The following PEX1 variants were observed in gnomAD, a reference collection of about 807,000 sequenced individuals.
PEX1 encodes the protein peroxisomal biogenesis factor 1.
PEX1 carries 97 observed loss-of-function variants against 152.5 expected under a neutral mutation model. The observed-to-expected ratio is 0.64, with a 90% CI of 0.54 to 0.75. The LOEUF is 0.75. PEX1 is among the 30% of genes least tolerant of loss of function. PEX1 has a pLI of 0.00. For synonymous variants in PEX1, 485 were observed against 531.6 expected (o/e 0.91, Z 1.21); for missense variants, 1,357 against 1,516.3 (o/e 0.89, Z 1.74).
intron 7 of PEX1, 124 bp downstream of exon 7, chr7:92,511,456 T>G: frequency 1.2e-6 from 1 of 826,742 alleles, no homozygotes; most frequent in Non-Finnish European, 1.9e-6. Context: ...AAAACTACTG[T>G]TTAATTATCA....
Position 92,517,840 on chromosome 7 carries a change from G to A in PEX1, c.675C>T (p.Ile225=). Residue 225 remains isoleucine, a synonymous_variant, in exon 5 of 24, where the codon ATC becomes ATT. Coordinates refer to ENST00000248633, the MANE Select transcript of PEX1 (RefSeq NM_000466.3). ...CTGACTCGTTTTCATTAGATTCAGT[G>A]ATTCCCACAGTATTTGACTGAAGTT... ...TKQLQSNTVG[I]TESNENESEI... The A allele has an allele frequency of 6.5e-7, 1 of 1,544,098 alleles. No homozygotes were observed. The highest frequency in any genetic ancestry group is 2.3e-5 in the East Asian group (1 of 44,444).
At chr7:92,516,608 G>C (rs577420524) in intron 5 of PEX1, among the ~76,000 whole-genome samples, 88 of 152,028 alleles carry the variant, frequency 5.8e-4, no homozygotes, top group African/African-American at 2.0e-3. Context: ...TCACTATGAA[G>C]TCTTACTTTA....
At position 92,528,413 on chromosome 7, in the gene PEX1, G is replaced by A. The variant is rs537242377; in HGVS notation, c.23C>T (p.Ala8Val). The stretch of plus-strand genomic sequence containing the variant: ...TGCCGCCCCGCCTCCCCCAGCACCC[G>A]CCAGGCGATCGCTGCCCCACATCGT... MWGSDRL[A>V]GAGGGGAAVT... The change falls in exon 1 of 24, where the codon GCG becomes GTG. Residue 8 changes from alanine (A) to valine (V), a missense_variant. Ala to Val is a moderately conservative substitution (Grantham distance 64). Coordinates refer to ENST00000248633, the MANE Select transcript of PEX1 (RefSeq NM_000466.3). The A allele has an allele frequency of 5.6e-6, 9 of 1,595,626 alleles. 1 individual carries two copies. In the South Asian group the frequency reaches 6.8e-5, roughly 12 times the overall value.
chr7:92,516,359 G>A (rs1174637480), intron 5 of PEX1, among the ~76,000 whole-genome samples: 2 of 152,016 alleles, frequency 1.3e-5, no homozygotes, highest in South Asian at 2.1e-4. Context: ...CGTGGGAGGC[G>A]GAGGTTGCAG....
intron 1 of PEX1, among the ~76,000 whole-genome samples, chr7:92,524,235 G>A (rs972603930): frequency 3.3e-5 from 5 of 150,664 alleles, no homozygotes; most frequent in Non-Finnish European, 7.4e-5. Context: ...TTACAGGCAT[G>A]AGCCAACATG....
At position 92,519,012 on chromosome 7, in the gene PEX1, C is replaced by T; in HGVS notation, c.340G>A (p.Asp114Asn). 6.2e-7 allele frequency: 1 copy of T among 1,611,138 alleles called. No homozygotes were observed. Among genetic ancestry groups the T allele is most frequent in the Non-Finnish European group, 8.5e-7 (1 of 1,177,316 alleles). ...TTCTTTACCAGTATCTCCCAATCAT[C>T]TGCTGAGAGGGGTTCCACCTCAACT... ...QQVEVEPLSA[D>N]DWEILELHAV... The change falls in exon 3 of 24, where the codon GAT becomes AAT. Residue 114 changes from aspartate (D) to asparagine (N), a missense_variant. By Grantham distance (23) the Asp-to-Asn change is conservative (BLOSUM62 1). Transcript: ENST00000248633.
chr7:92,507,423 G>A (rs1284641116), intron 9 of PEX1: 3 of 320,082 alleles, frequency 9.4e-6, no homozygotes, highest in Non-Finnish European at 1.8e-5. Flanking sequence ...TTTTGTGTGT[G>A]CATTTGTTGT....
rs1478654378 is a variant in PEX1, at chr7:92,487,197, G to T, written c.*260C>A. ...AGAAATAAATTAGTTCCACCATTTG[G>T]CTAATATTATTTCATTAAAGACTGA... On this transcript the variant is annotated 3_prime_UTR_variant, in exon 24 of 24. Coordinates refer to ENST00000248633, the MANE Select transcript of PEX1 (RefSeq NM_000466.3). 8 of 241,734 alleles carry T rather than the reference G, an allele frequency of 3.3e-5. No homozygotes were observed. The highest frequency in any genetic ancestry group is 5.5e-5 in the Non-Finnish European group (7 of 127,416). The allele number at this position is 241,734 out of a possible 1,614,324, so 15.0% of individuals were successfully genotyped here.
rs749049962 is a variant in PEX1, at chr7:92,502,026, A to G, written c.2280T>C (p.Asp760=). ...GGTCAAGATCGGTGAACTTGTTTAT[A>G]TCACAGTCCAATTTATTTTTTATTA... The part of the protein sequence containing the change: ...CNVIKNKLDC[D]INKFTDLDLQ... Residue 760 remains aspartate, a synonymous_variant, in exon 14 of 24, where the codon GAT becomes GAC. Coordinates refer to ENST00000248633, the MANE Select transcript of PEX1 (RefSeq NM_000466.3). 4.3e-6 allele frequency: 7 copies of G among 1,612,942 alleles called. No individual in the cohort carries two copies. The highest frequency in any genetic ancestry group is 5.1e-6 in the Non-Finnish European group (6 of 1,179,038).
At chr7:92,487,586 TACAAA>T (rs757816709) in intron 23 of PEX1, 45 bp from the exon 24 acceptor site, 1 of 847,874 alleles carries the variant, frequency 1.2e-6, no homozygotes, top group East Asian at 2.5e-5. Flanking sequence ...ATACTACCAT[TACAAA>T]ACAAAAGATA....
rs1017111983 is a variant in PEX1, at chr7:92,494,740, ACTT to A, written c.2784-114_2784-112del. On this transcript the variant is annotated intron_variant, in intron 17 of 23. Coordinates refer to ENST00000248633, the MANE Select transcript of PEX1 (RefSeq NM_000466.3). ...TTTATGTATTTATATATATTTATAT[ACTT>A]CTTTTAATTTTTACAACAAACCCTT... 4.2e-5 allele frequency: 27 copies of A among 647,596 alleles called. No homozygotes were observed. In the Middle Eastern group the frequency reaches 3.2e-3, roughly 76 times the overall value. 40.1% of individuals were successfully genotyped at this position (647,596 alleles called of 1,614,324 possible). A position where few individuals can be genotyped will look rare whatever the true frequency, so the allele number is the denominator to read the frequency against.
At chr7:92,522,278 T>A (rs1432106761) in intron 1 of PEX1, 33 bp from the exon 2 acceptor site, 1 of 1,606,562 alleles carries the variant, frequency 6.2e-7, no homozygotes, top group South Asian at 1.1e-5. Context: ...GAAAAAAGGT[T>A]TTCGTATACA....
intron 19 of PEX1, 195 bp from the exon 20 acceptor site, chr7:92,493,324 GA>G: frequency 2.6e-6 from 1 of 379,888 alleles, no homozygotes. Flanking sequence ...ATATATATAG[GA>G]AAATGAATGA....
At position 92,506,885 on chromosome 7, in the gene PEX1, T is replaced by G. The variant is rs1343344375; in HGVS notation, c.1803+109A>C. The G allele has an allele frequency of 3.9e-6, 4 of 1,038,582 alleles. No individual in the cohort carries two copies. The East Asian group carries it at 9.5e-5, about 25-fold the overall frequency. The allele number at this position is 1,038,582 out of a possible 1,614,324, so 64.3% of individuals were successfully genotyped here. The stretch of plus-strand genomic sequence containing the variant: ...TTCCATATGTCGTATAAACCCTATA[T>G]AATAGATGGTCAAAACCCACCCTAT... On this transcript the variant is annotated intron_variant, in intron 10 of 23. Coordinates refer to ENST00000248633, the MANE Select transcript of PEX1 (RefSeq NM_000466.3).
At chr7:92,511,799 C>A in intron 6 of PEX1, 96 bp from the exon 7 acceptor site, 1 of 1,131,560 alleles carries the variant, frequency 8.8e-7, no homozygotes, top group Non-Finnish European at 1.3e-6. Flanking sequence ...AAAGTGTAAG[C>A]CTGACCAAAC....
rs1296189764 is a variant in PEX1, at chr7:92,528,440, C to G, written c.-5G>C. On this transcript the variant is annotated 5_prime_UTR_variant, in exon 1 of 24. Transcript: ENST00000248633. Reference sequence around the variant, plus strand: ...CAGGCGATCGCTGCCCCACATCGTCCCGGAGCGTCGCTCTGGGTTCGCCCA... The same window carrying G: ...CAGGCGATCGCTGCCCCACATCGTCGCGGAGCGTCGCTCTGGGTTCGCCCA... 1.9e-6 allele frequency: 3 copies of G among 1,582,130 alleles called. No individual in the cohort carries two copies. The South Asian group carries it at 3.4e-5, about 18-fold the overall frequency.
chr7:92,498,683 A>G (rs1791776748), intron 16 of PEX1, among the ~76,000 whole-genome samples: 2 of 152,152 alleles, frequency 1.3e-5, no homozygotes, highest in African/African-American at 4.8e-5. Flanking sequence ...CCAGTGGTGG[A>G]CTGTGAAGCA....
At chr7:92,512,367 G>A (rs1047634256) in intron 6 of PEX1, among the ~76,000 whole-genome samples, 5 of 152,202 alleles carry the variant, frequency 3.3e-5, no homozygotes, top group African/African-American at 1.2e-4. Flanking sequence ...TGCCTAGGCT[G>A]GAGTGCAGTG....
rs748937542 is a variant in PEX1, at chr7:92,513,951, C to T, written c.1256G>A (p.Arg419Lys). The change falls in exon 6 of 24, where the codon AGG (arginine) becomes AAG (lysine). Residue 419 changes from arginine to lysine, a missense_variant. Transcript: ENST00000248633. ...ATGCATTTCTATATTTAGTCTCTTCCTCAGGTCATCTGGAATCTGAAATTT... is the reference window on the plus strand; with the variant it reads ...ATGCATTTCTATATTTAGTCTCTTCTTCAGGTCATCTGGAATCTGAAATTT... ...LGKVWIPDDL[R>K]KRLNIEMHAV... 11 of 1,572,580 alleles carry T rather than the reference C, an allele frequency of 7.0e-6. No individual in the cohort carries two copies. The African/African-American group carries it at 1.2e-4, about 17-fold the overall frequency.
Sources: allele counts gnomAD v4.1 joint callset (sites outside exome capture counted in the v4.1 genomes callset), GRCh38; gene constraint gnomAD v4.1.1; transcripts MANE v1.5; gene names NCBI Gene and HGNC (gene_info 2026-07-23, HGNC 2026-07-21).